The following DMBX1 variants were observed in gnomAD, a reference collection of about 807,000 sequenced individuals.
DMBX1 encodes diencephalon/mesencephalon homeobox protein 1.
In DMBX1, 7 loss-of-function variants were observed where a neutral mutation model predicts 30.4. The observed-to-expected ratio is 0.23, with a 90% CI of 0.13 to 0.43. The LOEUF is 0.43. DMBX1 is among the 20% of genes least tolerant of loss of function. The pLI is 1.00. For missense variants in DMBX1, 460 were observed against 508.5 expected (o/e 0.90, Z 0.92); for synonymous variants, 222 against 214.2 (o/e 1.04, Z -0.32).
chr1:46,501,213 C>CCTTCCTTCCTTTCTTTCTTTCTTT (rs1179560561), intron 2 of DMBX1, among the ~76,000 whole-genome samples: 12 of 74,556 alleles, frequency 1.6e-4, no homozygotes, highest in South Asian at 1.3e-3. Flanking sequence ...TTCCTTCCTT[C>CCTTCCTTCCTTTCTTTCTTTCTTT]CTTTCTTTCT....
chr1:46,500,860 G>A (rs539260516), intron 2 of DMBX1, among the ~76,000 whole-genome samples: 19 of 152,200 alleles, frequency 1.2e-4, no homozygotes, highest in Admixed American at 3.3e-4. Flanking sequence ...ATCCTCTCTC[G>A]ATGGACAGTT....
rs1478538516 is a variant in DMBX1 at position 46,497,359 on chromosome 1, TG to T, written c.-13+6577del. On this transcript the variant is annotated intron_variant, in intron 2 of 5. Transcript: ENST00000360032. ...AAAGACTGGTAGCTGTTGTTATTGTTGTTGATGAGATGATGTGTCTCACCAT... is the reference window on the plus strand; with the variant it reads ...AAAGACTGGTAGCTGTTGTTATTGTTTTGATGAGATGATGTGTCTCACCAT... 5.3e-5 allele frequency among the ~76,000 whole-genome samples: 8 copies of T among 152,314 alleles called. No individual in the cohort carries two copies. The East Asian group carries it at 1.5e-3, about 29-fold the overall frequency.
chr1:46,511,030 T>C lies in DMBX1; in HGVS notation c.429T>C (p.His143=), dbSNP rs969452496. The C allele has an allele frequency of 2.5e-6, 4 of 1,613,880 alleles. No individual in the cohort carries two copies. Among genetic ancestry groups the C allele is most frequent in the South Asian group, 2.2e-5 (2 of 91,076 alleles). The change falls in exon 5 of 6, where the codon CAT becomes CAC. Residue 143 remains histidine (H), a synonymous_variant. Coordinates refer to ENST00000360032, the MANE Select transcript of DMBX1 (RefSeq NM_172225.2). ...LQKQKEAEGS[H]GEGKAEAPTP... is the part of the protein sequence containing the mutation. ...AGCAGAAGGAGGCTGAGGGCTCCCA[T>C]GGGGAAGGCAAGGCCGAGGCCCCCA... is the stretch of plus-strand genomic sequence containing the variant.
intron 2 of DMBX1, among the ~76,000 whole-genome samples, chr1:46,504,093 C>T (rs1485302764): frequency 6.6e-6 from 1 of 152,024 alleles, no homozygotes. Context: ...TGTTTGAGTT[C>T]GTTGTAGATT....
chr1:46,491,841 C>T lies in DMBX1; in HGVS notation c.-13+1058C>T, dbSNP rs1313352744. On this transcript the variant is annotated intron_variant, in intron 2 of 5. Transcript: ENST00000360032. The surrounding 1 kb of genome is among the most constrained non-coding windows in gnomAD (Gnocchi z 5.5). Reference sequence around the variant, plus strand: ...GCCTAAGGACGAATGAATTTAGTTCCTACCTCCCCTTTCTGCAAACCAGCT... The same window carrying T: ...GCCTAAGGACGAATGAATTTAGTTCTTACCTCCCCTTTCTGCAAACCAGCT... Among the ~76,000 whole-genome samples the T allele has an allele frequency of 6.6e-6, 1 of 152,180 alleles. No homozygotes were observed. Among genetic ancestry groups the T allele is most frequent in the Non-Finnish European group, 1.5e-5 (1 of 68,034 alleles).
intron 5 of DMBX1, among the ~76,000 whole-genome samples, chr1:46,511,762 A>G (rs1485468873): frequency 1.3e-5 from 2 of 148,922 alleles, no homozygotes; most frequent in Admixed American, 6.7e-5. Context: ...AGCTCTGGGC[A>G]GGGTGGGGGA....
chr1:46,505,800 G>T (rs1159611356), intron 2 of DMBX1, among the ~76,000 whole-genome samples: 1 of 141,044 alleles, frequency 7.1e-6, no homozygotes, highest in African/African-American at 2.6e-5. Flanking sequence ...AAAAAAAAAA[G>T]AAAGAATAAG....
rs77266544 is a variant in DMBX1 at position 46,498,120 on chromosome 1, G to T, written c.-13+7337G>T. Among the ~76,000 whole-genome samples the T allele has an allele frequency of 4.3e-3, 658 of 152,264 alleles. 4 individuals carry two copies. Among genetic ancestry groups the T allele is most frequent in the African/African-American group, 0.015 (630 of 41,560 alleles). On this transcript the variant is annotated intron_variant, in intron 2 of 5. Transcript: ENST00000360032. ...AGGACTCAGAACTGGATGTGGAAGG[G>T]GTTCCTGCAGCTGGGCCTGGCTGAA... is the stretch of plus-strand genomic sequence containing the variant.
rs1270090111 is a variant in DMBX1 at position 46,510,594 on chromosome 1, A to T, written c.273A>T (p.Pro91=). ...AGACCTTCCAGAAGACTCACTACCC[A>T]GATGTGGTGATGCGTGAGAGGCTGG... is the stretch of plus-strand genomic sequence containing the variant. ...LEKTFQKTHY[P]DVVMRERLAM... The change falls in exon 4 of 6, where the codon CCA becomes CCT. Residue 91 remains proline, a synonymous_variant. Transcript: ENST00000360032. The surrounding 1 kb of genome is among the most constrained non-coding windows in gnomAD (Gnocchi z 4.1). 6.2e-7 allele frequency: 1 copy of T among 1,613,956 alleles called. No homozygotes were observed. Among genetic ancestry groups the T allele is most frequent in the Non-Finnish European group, 8.5e-7 (1 of 1,180,008 alleles).
At chr1:46,506,080 C>T (rs1666230293) in intron 2 of DMBX1, among the ~76,000 whole-genome samples, 1 of 101,602 alleles carries the variant, frequency 9.8e-6, no homozygotes, top group South Asian at 3.4e-4. Flanking sequence ...TTTTTGGAGA[C>T]AGGGTCTCGC....
At position 46,493,798 on chromosome 1, in the gene DMBX1, C is replaced by T. The variant is rs1451401913; in HGVS notation, c.-13+3015C>T. 1.3e-5 allele frequency among the ~76,000 whole-genome samples: 2 copies of T among 152,238 alleles called. No homozygotes were observed. Among genetic ancestry groups the T allele is most frequent in the Non-Finnish European group, 2.9e-5 (2 of 68,044 alleles). Reference sequence around the variant, plus strand: ...CAGTGTGCAGAGCAGGAGCCGCAACCGCGCTTTCTGCGCCCGCAGGACAGA... The same window carrying T: ...CAGTGTGCAGAGCAGGAGCCGCAACTGCGCTTTCTGCGCCCGCAGGACAGA... On this transcript the variant is annotated intron_variant, in intron 2 of 5. Coordinates refer to ENST00000360032, the MANE Select transcript of DMBX1 (RefSeq NM_172225.2). The surrounding 1 kb of genome is among the most constrained non-coding windows in gnomAD (Gnocchi z 4.1).
At chr1:46,500,472 T>C (rs1666103651) in intron 2 of DMBX1, among the ~76,000 whole-genome samples, 2 of 152,030 alleles carry the variant, frequency 1.3e-5, no homozygotes, top group African/African-American at 2.4e-5. Context: ...CTTCCCCACC[T>C]GGAGCTTGTG....
At chr1:46,490,318 C>T (rs1041407113) in intron 1 of DMBX1, among the ~76,000 whole-genome samples, 2 of 152,046 alleles carry the variant, frequency 1.3e-5, no homozygotes, top group Non-Finnish European at 2.9e-5. Flanking sequence ...GCTTCGGATC[C>T]GTCACGGTTT....
rs1315553315 is a variant in DMBX1, at chr1:46,497,302, G to A, written c.-13+6519G>A. Among the ~76,000 whole-genome samples the A allele has an allele frequency of 3.3e-5, 5 of 152,172 alleles. No homozygotes were observed. The East Asian group carries it at 7.7e-4, about 23-fold the overall frequency. Reference sequence around the variant, plus strand: ...TTATTAGGTGATATACCTAGAATGAGTGAAACAAGACTTGGCACGTGGTAG... The same window carrying A: ...TTATTAGGTGATATACCTAGAATGAATGAAACAAGACTTGGCACGTGGTAG... On this transcript the variant is annotated intron_variant, in intron 2 of 5. Coordinates refer to ENST00000360032, the MANE Select transcript of DMBX1 (RefSeq NM_172225.2).
rs183945676 is a variant in DMBX1, at chr1:46,511,963, G to A, written c.683-80G>A. The A allele has an allele frequency of 2.3e-5, 32 of 1,392,724 alleles. No homozygotes were observed. The African/African-American group carries it at 3.4e-4, about 15-fold the overall frequency. The allele number at this position is 1,392,724 out of a possible 1,614,324, so 86.3% of individuals were successfully genotyped here. The stretch of plus-strand genomic sequence containing the variant: ...CTGTCTTGTCTATAGTGCCAAGGAG[G>A]TGAGAAGGCTGAGTGCACCTCTCCT... On this transcript the variant is annotated intron_variant, in intron 5 of 5. Transcript: ENST00000360032.
rs1231949721 is a variant in DMBX1, at chr1:46,514,748, C to A, written c.*2254C>A. 6.6e-6 allele frequency among the ~76,000 whole-genome samples: 1 copy of A among 152,116 alleles called. No individual in the cohort carries two copies. Among genetic ancestry groups the A allele is most frequent in the Non-Finnish European group, 1.5e-5 (1 of 68,034 alleles). On this transcript the variant is annotated 3_prime_UTR_variant, in exon 6 of 6. Coordinates refer to ENST00000360032, the MANE Select transcript of DMBX1 (RefSeq NM_172225.2). ...AAGATTGCTAAGGCTTGTCTCCTCT[C>A]CCAGTGGGAAGAGAGAGGTTCTGTT...
chr1:46,505,198 C>A, intron 2 of DMBX1, among the ~76,000 whole-genome samples: 1 of 141,854 alleles, frequency 7.0e-6, no homozygotes, highest in Non-Finnish European at 1.5e-5. Context: ...GTGGCGATTC[C>A]TCAGGGATCT....
chr1:46,509,652 C>A lies in DMBX1; in HGVS notation c.155-824C>A, dbSNP rs1666313846. 2.0e-5 allele frequency among the ~76,000 whole-genome samples: 3 copies of A among 152,290 alleles called. No homozygotes were observed. The South Asian group carries it at 6.2e-4, about 32-fold the overall frequency. ...GTTATCATGTTACCAGACATGTGGACAGGACTGTGGAATCAATGGTCCATA... is the reference window on the plus strand; with the variant it reads ...GTTATCATGTTACCAGACATGTGGAAAGGACTGTGGAATCAATGGTCCATA... On this transcript the variant is annotated intron_variant, in intron 3 of 5. Transcript: ENST00000360032.
intron 2 of DMBX1, among the ~76,000 whole-genome samples, chr1:46,501,044 A>G (rs941106025): frequency 6.6e-6 from 1 of 152,170 alleles, no homozygotes; most frequent in African/African-American, 2.4e-5. Context: ...TCAAGGTAGG[A>G]GAATGACCAT....
Sources: gnomAD v4.1 joint callset for allele counts (sites outside exome capture counted in the v4.1 genomes callset) on GRCh38, gnomAD v4.1.1 for gene constraint, Gnocchi (gnomAD v3.1) non-coding constraint, MANE v1.5 for transcripts, NCBI Gene and HGNC (gene_info 2026-07-23, HGNC 2026-07-21) for gene names.